The following ATAD3C variants were observed in gnomAD, a reference collection of about 807,000 sequenced individuals.
ATAD3C encodes the protein ATPase family AAA domain containing 3C, also known as ATPase family AAA domain-containing protein 3C.
A neutral mutation model predicts 46.3 loss-of-function variants in ATAD3C; 38 were observed. The observed-to-expected ratio is 0.82, with a 90% CI of 0.63 to 1.08. ATAD3C has a LOEUF of 1.08. ATAD3C is among the 50% of genes least tolerant of loss of function. The pLI is 0.00. For synonymous variants in ATAD3C, 220 were observed against 236.4 expected (o/e 0.93, Z 0.63); for missense variants, 563 against 572.7 (o/e 0.98, Z 0.17).
At chr1:1,452,765 C>T (rs1638884211) in intron 3 of ATAD3C, among the ~76,000 whole-genome samples, 2 of 149,772 alleles carry the variant, frequency 1.3e-5, no homozygotes, top group Admixed American at 6.7e-5. Context: ...TGCCATTGCA[C>T]TCCAACCTTG....
chr1:1,451,333 G>C lies in ATAD3C; in HGVS notation c.75+575G>C, dbSNP rs187690553. Among the ~76,000 whole-genome samples, 615 of 151,188 alleles carry C rather than the reference G, an allele frequency of 4.1e-3. 6 individuals are homozygous for C. The highest frequency in any genetic ancestry group is 0.014 in the African/African-American group (575 of 41,170). On this transcript the variant is annotated intron_variant, in intron 1 of 11. Transcript: ENST00000378785. The stretch of plus-strand genomic sequence containing the variant: ...TTACAGGCGTGAGCCACCGCGTCCA[G>C]CTCAGCAAGATTTTTTAATTTTATT...
chr1:1,461,211 A>G (rs959037630), intron 10 of ATAD3C, among the ~76,000 whole-genome samples: 1 of 151,484 alleles, frequency 6.6e-6, no homozygotes, highest in African/African-American at 2.4e-5. Context: ...TTTTGAGGCG[A>G]AGTCTCGCTC....
rs772784905 is a variant in ATAD3C, at chr1:1,459,189, C to T, written c.770C>T (p.Thr257Ile). ...AAGATAAGCGAGGACCTCAGGGCCA[C>T]ACTGAACGCCTTCCTGTACCGCACG... is the stretch of plus-strand genomic sequence containing the variant. Reference protein sequence around the residue: ...TEKISEDLRATLNAFLYRTGQ... With the variant: ...TEKISEDLRAILNAFLYRTGQ... Residue 257 changes from threonine (T) to isoleucine (I), a missense_variant, in exon 9 of 12, where the codon ACA (threonine) becomes ATA (isoleucine). By Grantham distance (89) the Thr-to-Ile change is moderately conservative. Around this residue, in one of 3 missense-constraint regions of ATAD3C, gnomAD observed 273 missense variants for 253.5 expected, o/e 1.08. Coordinates refer to ENST00000378785, the MANE Select transcript of ATAD3C (RefSeq NM_001039211.3). This position sits in a 1 kb window ranked among gnomAD's most constrained non-coding sequence, Gnocchi z 4.9. 7 of 1,612,582 alleles carry T rather than the reference C, an allele frequency of 4.3e-6. No homozygotes were observed. In the African/African-American group the frequency reaches 6.7e-5, roughly 15 times the overall value.
Position 1,452,382 on chromosome 1 carries a change from T to C in ATAD3C, c.170T>C (p.Phe57Ser). The stretch of plus-strand genomic sequence containing the variant: ...CCCCACAGGGCGGCTGGCACCTTGT[T>C]TGGGGAAGGATTCCGTGCCTTTGTG... Reference protein sequence around the residue: ...LESIRAAGTLFGEGFRAFVTD... With the variant: ...LESIRAAGTLSGEGFRAFVTD... Residue 57 changes from phenylalanine to serine, a missense_variant, in exon 3 of 12, where the codon TTT (phenylalanine) becomes TCT (serine). Around this residue, in one of 3 missense-constraint regions of ATAD3C, gnomAD observed 263 missense variants for 243.1 expected, o/e 1.08. Transcript: ENST00000378785. The C allele has an allele frequency of 1.2e-6, 2 of 1,613,788 alleles. No individual in the cohort carries two copies. Among genetic ancestry groups the C allele is most frequent in the East Asian group, 2.2e-5 (1 of 44,882 alleles).
chr1:1,460,673 G>A (rs1227421062), intron 9 of ATAD3C, 77 bp from the exon 10 acceptor site: 1 of 1,467,836 alleles, frequency 6.8e-7, no homozygotes, highest in South Asian at 1.4e-5. Context: ...TTCCTGAGGG[G>A]GCTGAGGAGC....
rs147051071 is a variant in ATAD3C, at chr1:1,462,517, G to A, written c.981-83G>A. The A allele has an allele frequency of 5.5e-3, 7,555 of 1,374,300 alleles. 305 individuals carry two copies. The African/African-American group carries it at 0.081, about 15-fold the overall frequency. The allele number at this position is 1,374,300 out of a possible 1,614,324, so 85.1% of individuals were successfully genotyped here. The stretch of plus-strand genomic sequence containing the variant: ...AAGGGGGCATCTGGCATGGGTGTCC[G>A]CCTGGCTGCCTGTCTTCCGGCCTCC... On this transcript the variant is annotated intron_variant, in intron 10 of 11. Transcript: ENST00000378785. This position sits in a 1 kb window ranked among gnomAD's most constrained non-coding sequence, Gnocchi z 4.5.
At chr1:1,468,052 C>G (rs181754583) in intron 11 of ATAD3C, among the ~76,000 whole-genome samples, 1 of 151,790 alleles carries the variant, frequency 6.6e-6, no homozygotes, top group South Asian at 2.1e-4. Flanking sequence ...TGCCTGACCA[C>G]GGCTGAGACA....
chr1:1,454,357 A>T lies in ATAD3C; in HGVS notation c.235A>T (p.Thr79Ser). Residue 79 changes from threonine (T) to serine (S), a missense_variant, in exon 4 of 12, where the codon ACG (threonine) becomes TCG (serine). Coordinates refer to ENST00000378785, the MANE Select transcript of ATAD3C (RefSeq NM_001039211.3). Reference protein sequence around the residue: ...DKVTATVAGLTLLAVGVYSAK... With the variant: ...DKVTATVAGLSLLAVGVYSAK... ...GTCTCTGCTGCAGGTGGCTGGGCTG[A>T]CGCTGCTGGCTGTCGGGGTCTACTC... is the stretch of plus-strand genomic sequence containing the variant. 1 of 1,598,848 alleles carries T rather than the reference A, an allele frequency of 6.3e-7. No homozygotes were observed. Among genetic ancestry groups the T allele is most frequent in the Non-Finnish European group, 8.5e-7 (1 of 1,174,706 alleles).
intron 4 of ATAD3C, among the ~76,000 whole-genome samples, chr1:1,455,132 G>T (rs1403268114): frequency 6.8e-6 from 1 of 146,978 alleles, no homozygotes; most frequent in Non-Finnish European, 1.5e-5. Flanking sequence ...CAGAAGAATG[G>T]CTTGAACCTG....
At chr1:1,466,717 A>G (rs1227529831) in intron 11 of ATAD3C, among the ~76,000 whole-genome samples, 1 of 151,816 alleles carries the variant, frequency 6.6e-6, no homozygotes, top group Non-Finnish European at 1.5e-5. Flanking sequence ...TCCAGGAATA[A>G]ATCCTGCTTG....
At chr1:1,463,221 C>A (rs998679934) in intron 11 of ATAD3C, among the ~76,000 whole-genome samples, 1 of 152,120 alleles carries the variant, frequency 6.6e-6, no homozygotes, top group African/African-American at 2.4e-5. Context: ...TCCATGGCTG[C>A]CCCAGGGCCA....
Position 1,452,054 on chromosome 1 carries a change from C to T in ATAD3C, c.84C>T (p.Val28=). The T allele has an allele frequency of 1.2e-6, 2 of 1,613,608 alleles. No homozygotes were observed. Among genetic ancestry groups the T allele is most frequent in the Non-Finnish European group, 1.7e-6 (2 of 1,179,622 alleles). Residue 28 remains valine, a synonymous_variant, in exon 2 of 12, where the codon GTC becomes GTT. Transcript: ENST00000378785. The part of the protein sequence containing the change: ...LEQQSKLKQL[V]NEDLRKQEES... ...CTGCGGCTTCTTCTCAGCAACTTGTCAATGAGGATTTACGGAAGCAGGAGG... is the reference window on the plus strand; with the variant it reads ...CTGCGGCTTCTTCTCAGCAACTTGTTAATGAGGATTTACGGAAGCAGGAGG...
intron 11 of ATAD3C, among the ~76,000 whole-genome samples, chr1:1,466,587 CAGT>C (rs1304515057): frequency 1.3e-5 from 2 of 148,166 alleles, no homozygotes; most frequent in Non-Finnish European, 3.0e-5. Context: ...TTTCCTGCAA[CAGT>C]TGAGAGGGTC....
chr1:1,466,799 C>T (rs1020227447), intron 11 of ATAD3C, among the ~76,000 whole-genome samples: 1 of 151,844 alleles, frequency 6.6e-6, no homozygotes, highest in Non-Finnish European at 1.5e-5. Context: ...ACTTTTCCAA[C>T]GATGCTCATC....
rs1639078316 is a variant in ATAD3C, at chr1:1,462,106, A to G, written c.981-494A>G. On this transcript the variant is annotated intron_variant, in intron 10 of 11. Coordinates refer to ENST00000378785, the MANE Select transcript of ATAD3C (RefSeq NM_001039211.3). The surrounding 1 kb of genome is among the most constrained non-coding windows in gnomAD (Gnocchi z 4.5). Reference sequence around the variant, plus strand: ...CCCTGCTGTCGCCAGTGACGACAAAAGCTGCTCTGTTCCAAAGAGAGCCTG... The same window carrying G: ...CCCTGCTGTCGCCAGTGACGACAAAGGCTGCTCTGTTCCAAAGAGAGCCTG... 1.3e-5 allele frequency among the ~76,000 whole-genome samples: 2 copies of G among 151,980 alleles called. No homozygotes were observed. Among genetic ancestry groups the G allele is most frequent in the African/African-American group, 4.8e-5 (2 of 41,388 alleles).
chr1:1,456,877 A>C (rs1468381305), intron 7 of ATAD3C, among the ~76,000 whole-genome samples: 1 of 151,760 alleles, frequency 6.6e-6, no homozygotes, highest in African/African-American at 2.4e-5. Flanking sequence ...TCACTTTAGA[A>C]GACCTGTCCC....
In ATAD3C at chr1:1,467,377, C is replaced by G. The variant is rs942962515; in HGVS notation, c.1090-1007C>G. Among the ~76,000 whole-genome samples, 190 of 151,674 alleles carry G rather than the reference C, an allele frequency of 1.3e-3. 10 individuals are homozygous for G. Among genetic ancestry groups the G allele is most frequent in the South Asian group, 1.7e-3 (8 of 4,776 alleles). ...TGGGCCCCTGAGCCACAGTGGCGGT[C>G]CGGCTCCGGTCAGTGTCTCCTGCGC... On this transcript the variant is annotated intron_variant, in intron 11 of 11. Coordinates refer to ENST00000378785, the MANE Select transcript of ATAD3C (RefSeq NM_001039211.3).
rs1229526418 is a variant in ATAD3C at position 1,450,005 on chromosome 1, G to A, written c.-679G>A. 6.6e-6 allele frequency: 1 copy of A among 152,004 alleles called. No homozygotes were observed. The highest frequency in any genetic ancestry group is 6.6e-5 in the Admixed American group (1 of 15,214). 9.4% of individuals were successfully genotyped at this position (152,004 alleles called of 1,614,324 possible). On this transcript the variant is annotated 5_prime_UTR_variant, in exon 1 of 12. Transcript: ENST00000378785. ...TCTTGCCCGCACGTTCTTGATAGCA[G>A]ATCACTGACAACAGCCATTGGAAGC...
chr1:1,466,619 A>C (rs531381524), intron 11 of ATAD3C, among the ~76,000 whole-genome samples: 1 of 150,452 alleles, frequency 6.6e-6, no homozygotes, highest in Admixed American at 6.7e-5. Context: ...TCCTTCCTCC[A>C]CTCTGCTAAT....
Sources: allele counts gnomAD v4.1 joint callset (sites outside exome capture counted in the v4.1 genomes callset), GRCh38; gene constraint gnomAD v4.1.1; regional missense constraint gnomAD v4.1.1; non-coding constraint Gnocchi (gnomAD v3.1); transcripts MANE v1.5; gene names NCBI Gene and HGNC (gene_info 2026-07-23, HGNC 2026-07-21).